The following RYR3 variants were observed in gnomAD, a reference collection of about 807,000 sequenced individuals.
The protein encoded by RYR3 is brain ryanodine receptor-calcium release channel.
Under a neutral mutation model 584.3 loss-of-function variants are expected in RYR3, and 207 were observed. The ratio of observed to expected loss-of-function variants is 0.35; its 90% CI spans 0.32 to 0.40. The LOEUF (loss-of-function observed/expected upper bound fraction) is 0.40, where lower values mean the gene tolerates loss of function less well. Ranked by LOEUF, RYR3 falls within the 10% of genes least tolerant of loss-of-function variation. RYR3 has a pLI of 1.00. For synonymous variants in RYR3, 2,416 were observed against 2,248.5 expected, an observed-to-expected ratio of 1.07 and a Z score of -2.11; for missense variants, 5,616 against 6,089.2, an observed-to-expected ratio of 0.92 and a Z score of 2.59.
chr15:33,628,301 A>G (rs563466274), intron 20 of RYR3, among the ~76,000 whole-genome samples, 170 bp from the exon 21 acceptor site: 31 of 152,330 alleles, frequency 2.0e-4, no homozygotes, highest in Admixed American at 1.5e-3. Flanking sequence ...GAGGAAGCCA[A>G]GAAAGGAAGA....
rs770296056 is a variant in RYR3, at chr15:33,772,953, G to A, written c.9056-581G>A. 2.6e-5 allele frequency among the ~76,000 whole-genome samples: 4 copies of A among 152,154 alleles called. No individual in the cohort carries two copies. In the South Asian group the frequency reaches 6.2e-4, roughly 24 times the overall value. On this transcript the variant is annotated intron_variant, in intron 63 of 103. Transcript: ENST00000634891. ...TAGACATGGCTAGGGATGTGTAGCC[G>A]CCAGATTCACAAGCAAAACATGCCC...
rs571091773 is a variant in RYR3, at chr15:33,504,016, A to C, written c.279+278A>C. 6.6e-5 allele frequency among the ~76,000 whole-genome samples: 10 copies of C among 152,282 alleles called. No individual in the cohort carries two copies. In the South Asian group the frequency reaches 8.3e-4, roughly 13 times the overall value. On this transcript the variant is annotated intron_variant, in intron 3 of 103. Transcript: ENST00000634891. ...AGCCTACTCCCCTCTCTTATCCCAG[A>C]ATTCACCAGCGAATGTGGAGAGGCT...
At chr15:33,336,450 GA>G (rs1276269723) in intron 1 of RYR3, among the ~76,000 whole-genome samples, 808 of 26,886 alleles carry the variant, frequency 0.03, 174 homozygotes, top group African/African-American at 0.14. Flanking sequence ...AAGAGAGAGA[GA>G]GAGAGAGAGA....
Position 33,731,706 on chromosome 15 carries a change from T to C in RYR3, c.7424+12T>C. Reference sequence around the variant, plus strand: ...CTTGCCATTTGCAAGTAAGTACATATCCTATGTTGTTACTTCTGTGTATGC... The same window carrying C: ...CTTGCCATTTGCAAGTAAGTACATACCCTATGTTGTTACTTCTGTGTATGC... On this transcript the variant is annotated intron_variant, in intron 48 of 103. Coordinates refer to ENST00000634891, the MANE Select transcript of RYR3 (RefSeq NM_001036.6). The C allele has an allele frequency of 6.5e-7, 1 of 1,545,498 alleles. No homozygotes were observed. The highest frequency in any genetic ancestry group is 1.7e-5 in the Admixed American group (1 of 58,898).
At chr15:33,652,966 T>C in intron 32 of RYR3, 83 bp downstream of exon 32, 1 of 1,391,776 alleles carries the variant, frequency 7.2e-7, no homozygotes, top group Non-Finnish European at 9.7e-7. Flanking sequence ...GTACTCAGCA[T>C]TCCTGCCACA....
intron 94 of RYR3, chr15:33,850,593 G>A (rs1261735891): frequency 3.3e-5 from 5 of 152,062 alleles, no homozygotes; most frequent in African/African-American, 9.7e-5. Context: ...TGGCATCATA[G>A]TACATGTTCA....
chr15:33,673,158 T>C (rs1445637177), intron 38 of RYR3, among the ~76,000 whole-genome samples: 1 of 152,248 alleles, frequency 6.6e-6, no homozygotes, highest in Non-Finnish European at 1.5e-5. Flanking sequence ...CTGTGAGATA[T>C]CTCACTGTTT....
intron 43 of RYR3, among the ~76,000 whole-genome samples, chr15:33,722,105 A>G (rs988306151): frequency 2.6e-5 from 4 of 152,216 alleles, no homozygotes; most frequent in Non-Finnish European, 5.9e-5. Flanking sequence ...CTGTGAGAGT[A>G]TTAGGGTAAC....
intron 35 of RYR3, 133 bp downstream of exon 35, chr15:33,663,081 G>A: frequency 1.3e-6 from 1 of 755,202 alleles, no homozygotes; most frequent in South Asian, 1.7e-5. Flanking sequence ...AAGAGTGCTT[G>A]ATGATTATGG....
At chr15:33,675,403 CA>C (rs2064112021) in intron 38 of RYR3, among the ~76,000 whole-genome samples, 1 of 152,216 alleles carries the variant, frequency 6.6e-6, no homozygotes, top group African/African-American at 2.4e-5. Flanking sequence ...AACCTGAATT[CA>C]ACGCCCATCC....
At chr15:33,480,105 T>A (rs1284402072) in intron 2 of RYR3, among the ~76,000 whole-genome samples, 1 of 152,212 alleles carries the variant, frequency 6.6e-6, no homozygotes, top group Non-Finnish European at 1.5e-5. Context: ...TGCTTTAATT[T>A]GTGACAGTTT....
intron 62 of RYR3, among the ~76,000 whole-genome samples, chr15:33,771,379 C>G (rs9972373): frequency 0.023 from 3,552 of 152,084 alleles, 137 homozygotes; most frequent in African/African-American, 0.079. Flanking sequence ...ACTAAAAATA[C>G]AAAAATTAGC....
chr15:33,536,739 A>G (rs1325499982), intron 5 of RYR3, among the ~76,000 whole-genome samples: 2 of 152,236 alleles, frequency 1.3e-5, no homozygotes, highest in African/African-American at 4.8e-5. Flanking sequence ...GTACTCACAC[A>G]TAGATTAAAG....
intron 66 of RYR3, 50 bp from the exon 67 acceptor site, chr15:33,788,168 A>G (rs1226003646): frequency 1.2e-6 from 2 of 1,607,998 alleles, no homozygotes; most frequent in South Asian, 1.1e-5. Flanking sequence ...TTTCATTTTC[A>G]TCAATTGCCA....
intron 2 of RYR3, among the ~76,000 whole-genome samples, chr15:33,483,705 T>C (rs1037063814): frequency 6.6e-6 from 1 of 152,238 alleles, no homozygotes; most frequent in African/African-American, 2.4e-5. Flanking sequence ...TGTTGCTTTC[T>C]AGCAATGCTG....
At chr15:33,805,968 T>G (rs1360216007) in intron 69 of RYR3, among the ~76,000 whole-genome samples, 5 of 146,454 alleles carry the variant, frequency 3.4e-5, no homozygotes, top group Admixed American at 6.9e-5. Flanking sequence ...CACCTCTGCC[T>G]CTGTCCACCA....
At chr15:33,799,257 T>A (rs2075786498) in intron 67 of RYR3, among the ~76,000 whole-genome samples, 1 of 152,158 alleles carries the variant, frequency 6.6e-6, no homozygotes, top group African/African-American at 2.4e-5. Context: ...TCTAATGAGG[T>A]GACTCTTGGA....
intron 1 of RYR3, among the ~76,000 whole-genome samples, chr15:33,467,010 C>A (rs142882417): frequency 5.1e-4 from 75 of 147,578 alleles, no homozygotes; most frequent in African/African-American, 1.7e-3. Flanking sequence ...TCTCGTCATT[C>A]CAAAAAGCCC....
At chr15:33,816,558 T>C (rs1322702097) in intron 74 of RYR3, among the ~76,000 whole-genome samples, 1 of 152,200 alleles carries the variant, frequency 6.6e-6, no homozygotes, top group East Asian at 1.9e-4. Flanking sequence ...GGCCTAATGA[T>C]TGATTTCTCA....
Sources: allele counts gnomAD v4.1 joint callset (sites outside exome capture counted in the v4.1 genomes callset), GRCh38; gene constraint gnomAD v4.1.1; transcripts MANE v1.5; gene names NCBI Gene and HGNC (gene_info 2026-07-23, HGNC 2026-07-21).